Variants in MORC3 observed in about 807,000 individuals in gnomAD.
The protein encoded by MORC3 is MORC family CW-type zinc finger protein 3.
In MORC3, 31 loss-of-function variants were observed where a neutral mutation model predicts 109.1. That is an observed-to-expected ratio of 0.28 (90% CI 0.21 to 0.38). The LOEUF is 0.38. Ranked by LOEUF, MORC3 falls within the 10% of genes least tolerant of loss-of-function variation. MORC3 has a pLI of 1.00. For synonymous variants in MORC3, 395 were observed against 380.7 expected (o/e 1.04, Z -0.44); for missense variants, 867 against 1,135.8 (o/e 0.76, Z 3.40).
At chr21:36,352,701 T>C (rs1055875013) in intron 9 of MORC3, among the ~76,000 whole-genome samples, 5 of 152,184 alleles carry the variant, frequency 3.3e-5, no homozygotes, top group African/African-American at 1.2e-4. Context: ...CATTAACCCT[T>C]GAACAGCGCA....
chr21:36,349,187 T>TAAA lies in MORC3; in HGVS notation c.1006-123_1006-121dup, dbSNP rs1034043136. On this transcript the variant is annotated intron_variant, in intron 8 of 16. Coordinates refer to ENST00000400485, the MANE Select transcript of MORC3 (RefSeq NM_015358.3). Reference sequence around the variant, plus strand: ...AAATAAAAACAAATAAAAATAAAAATAAATGTGATGAGAATCATACAAGAT... The same window carrying TAAA: ...AAATAAAAACAAATAAAAATAAAAATAAAAAATGTGATGAGAATCATACAAGAT... 2.7e-4 allele frequency: 183 copies of TAAA among 683,536 alleles called. 2 individuals are homozygous for TAAA. In the South Asian group the frequency reaches 3.3e-3, roughly 12 times the overall value. 42.3% of individuals were successfully genotyped at this position (683,536 alleles called of 1,614,324 possible).
intron 1 of MORC3, among the ~76,000 whole-genome samples, chr21:36,322,946 G>T (rs1601503982): frequency 6.6e-6 from 1 of 152,134 alleles, no homozygotes; most frequent in South Asian, 2.1e-4. Flanking sequence ...TTACAAATGA[G>T]CTAGCCAGGG....
intron 10 of MORC3, among the ~76,000 whole-genome samples, chr21:36,358,168 T>G (rs2085667944): frequency 6.6e-6 from 1 of 151,052 alleles, no homozygotes; most frequent in African/African-American, 2.4e-5. Flanking sequence ...GCGGATCACT[T>G]GAGGTCTGGA....
At chr21:36,367,718 A>G (rs1300196236) in intron 14 of MORC3, among the ~76,000 whole-genome samples, 1 of 152,214 alleles carries the variant, frequency 6.6e-6, no homozygotes, top group Non-Finnish European at 1.5e-5. Flanking sequence ...ACTCAAAGAC[A>G]TAGGATCATG....
chr21:36,320,645 ACCCTCTTCTG>A (rs2085181379), intron 1 of MORC3: 1 of 246,922 alleles, frequency 4.0e-6, no homozygotes. Context: ...GGGGCCCCTG[ACCCTCTTCTG>A]TCCGCTGGGC....
Position 36,375,653 on chromosome 21 carries a change from A to G in MORC3, c.*357A>G, listed in dbSNP as rs901891409. Reference sequence around the variant, plus strand: ...TTTGTGCAATTTTTTCTGGTTCCCCAAAGTGTATTTTTCTCTAAGTCGAGG... The same window carrying G: ...TTTGTGCAATTTTTTCTGGTTCCCCGAAGTGTATTTTTCTCTAAGTCGAGG... On this transcript the variant is annotated 3_prime_UTR_variant, in exon 17 of 17. Coordinates refer to ENST00000400485, the MANE Select transcript of MORC3 (RefSeq NM_015358.3). The G allele has an allele frequency of 1.2e-5, 2 of 160,506 alleles. No individual in the cohort carries two copies. Among genetic ancestry groups the G allele is most frequent in the African/African-American group, 4.8e-5 (2 of 41,576 alleles). 9.9% of individuals were successfully genotyped at this position (160,506 alleles called of 1,614,324 possible). A position where few individuals can be genotyped will look rare whatever the true frequency, so the allele number is the denominator to read the frequency against.
intron 1 of MORC3, chr21:36,333,343 C>T: frequency 3.2e-6 from 1 of 314,142 alleles, no homozygotes; most frequent in Non-Finnish European, 5.8e-6. Flanking sequence ...TTGGCTGGAT[C>T]ATTTTAAGGT....
chr21:36,352,250 CAG>C (rs1224796321), intron 9 of MORC3, among the ~76,000 whole-genome samples: 1 of 152,076 alleles, frequency 6.6e-6, no homozygotes, highest in African/African-American at 2.4e-5. Context: ...GGCATAATAA[CAG>C]AGTATTTACA....
intron 8 of MORC3, among the ~76,000 whole-genome samples, chr21:36,346,289 G>T (rs12482030): frequency 0.092 from 14,077 of 152,272 alleles, 903 homozygotes; most frequent in Non-Finnish European, 0.13. Context: ...AGCGTGCTCA[G>T]ATTACAGGCC....
At chr21:36,342,708 T>G (rs779458790) in intron 6 of MORC3, among the ~76,000 whole-genome samples, 6 of 151,686 alleles carry the variant, frequency 4.0e-5, no homozygotes, top group Admixed American at 6.6e-5. Flanking sequence ...CTGGTCAAAA[T>G]GAGTATCTGT....
rs1026151981 is a variant in MORC3, at chr21:36,368,977, A to T, written c.1620-11A>T. ...TATAATCTTATGTTTTATGTATAAA[A>T]TTTTTTTCAGCTTGAAACGGAGACT... is the stretch of plus-strand genomic sequence containing the variant. On this transcript the variant is annotated splice_polypyrimidine_tract_variant and intron_variant, in intron 14 of 16. Coordinates refer to ENST00000400485, the MANE Select transcript of MORC3 (RefSeq NM_015358.3). The T allele has an allele frequency of 1.3e-5, 20 of 1,576,614 alleles. No homozygotes were observed. The highest frequency in any genetic ancestry group is 2.7e-5 in the African/African-American group (2 of 72,978).
intron 6 of MORC3, among the ~76,000 whole-genome samples, chr21:36,344,340 C>T (rs2085484870): frequency 6.6e-6 from 1 of 152,080 alleles, no homozygotes; most frequent in South Asian, 2.1e-4. Context: ...ATAAATATAT[C>T]AGCATCTATA....
chr21:36,344,757 C>T (rs769057165), intron 7 of MORC3, 50 bp downstream of exon 7: 2 of 1,602,350 alleles, frequency 1.2e-6, no homozygotes, highest in South Asian at 1.1e-5. Flanking sequence ...GGTGTATTCT[C>T]TTTTGCCCCT....
chr21:36,368,629 A>G (rs999880718), intron 14 of MORC3, among the ~76,000 whole-genome samples: 1 of 152,224 alleles, frequency 6.6e-6, no homozygotes, highest in South Asian at 2.1e-4. Flanking sequence ...TAATCCCAGC[A>G]CTTTGGGAGG....
chr21:36,360,550 T>C (rs900172586), intron 12 of MORC3: 1 of 414,156 alleles, frequency 2.4e-6, no homozygotes, highest in Non-Finnish European at 4.4e-6. Context: ...TTGAAGCTTA[T>C]AGAGAAGGTG....
chr21:36,370,544 T>C (rs901269290), intron 15 of MORC3, among the ~76,000 whole-genome samples: 5 of 149,866 alleles, frequency 3.3e-5, no homozygotes, highest in South Asian at 2.1e-4. Context: ...TTCTAGATTA[T>C]GTCTTTCAAG....
intron 9 of MORC3, 107 bp from the exon 10 acceptor site, chr21:36,356,513 T>A (rs1036101669): frequency 9.1e-6 from 5 of 550,832 alleles, no homozygotes. Flanking sequence ...ATTAACTATA[T>A]GTTTTGGAGT....
rs373727187 is a variant in MORC3, at chr21:36,369,080, A to G, written c.1712A>G (p.Asp571Gly). Residue 571 changes from aspartate (D) to glycine (G), a missense_variant, in exon 15 of 17, where the codon GAT becomes GGT. Asp to Gly is a moderately conservative substitution (Grantham distance 94). Coordinates refer to ENST00000400485, the MANE Select transcript of MORC3 (RefSeq NM_015358.3). The part of the protein sequence containing the change: ...SQFENSVYKG[D>G]DDDEDVIILE... ...TTTGAAAATTCAGTTTATAAAGGTG[A>G]TGATGATGATGAAGATGTCATCATC... is the stretch of plus-strand genomic sequence containing the variant. 24 of 1,610,612 alleles carry G rather than the reference A, an allele frequency of 1.5e-5. No individual in the cohort carries two copies. The highest frequency in any genetic ancestry group is 2.0e-5 in the Non-Finnish European group (23 of 1,177,456).
intron 9 of MORC3, among the ~76,000 whole-genome samples, chr21:36,353,952 TC>T (rs2085609678): frequency 6.6e-6 from 1 of 150,992 alleles, no homozygotes; most frequent in Admixed American, 6.6e-5. Context: ...GCACTTGTAA[TC>T]CCAGCTACTT....
Sources: allele counts gnomAD v4.1 joint callset (sites outside exome capture counted in the v4.1 genomes callset), GRCh38; gene constraint gnomAD v4.1.1; transcripts MANE v1.5; gene names NCBI Gene and HGNC (gene_info 2026-07-23, HGNC 2026-07-21).